The following CSMD3 variants were observed in gnomAD, a reference collection of about 807,000 sequenced individuals.
The protein encoded by CSMD3 is CUB and Sushi multiple domains 3, also known as CUB and sushi domain-containing protein 3.
CSMD3 carries 177 observed loss-of-function variants against 435.2 expected under a neutral mutation model. That is an observed-to-expected ratio of 0.41 (90% CI 0.36 to 0.46). The LOEUF is 0.46. Ranked by LOEUF, CSMD3 falls within the 20% of genes least tolerant of loss-of-function variation. The probability of loss-of-function intolerance (pLI) is 0.34; values close to 1 mark genes in which losing one functional copy is unlikely to be tolerated. For synonymous variants in CSMD3, 1,656 were observed against 1,520.5 expected (o/e 1.09, Z -2.07); for missense variants, 4,265 against 4,504.6 (o/e 0.95, Z 1.52).
chr8:113,430,666 T>A (rs368737915), intron 1 of CSMD3, among the ~76,000 whole-genome samples: 21 of 152,200 alleles, frequency 1.4e-4, no homozygotes, highest in African/African-American at 4.8e-4. Flanking sequence ...TACTACTTGT[T>A]GGAGAACACT....
chr8:113,037,904 G>C (rs1166395439), intron 5 of CSMD3, among the ~76,000 whole-genome samples: 2 of 152,124 alleles, frequency 1.3e-5, no homozygotes, highest in Non-Finnish European at 2.9e-5. Flanking sequence ...TTATTTATAT[G>C]GAGTTGTGGA....
At chr8:112,895,849 C>A (rs1261338066) in intron 10 of CSMD3, among the ~76,000 whole-genome samples, 3 of 151,192 alleles carry the variant, frequency 2.0e-5, no homozygotes, top group African/African-American at 4.8e-5. Context: ...GTGATAAAGT[C>A]CTGAAAAAGG....
intron 54 of CSMD3, among the ~76,000 whole-genome samples, chr8:112,294,495 C>T (rs1219103597): frequency 6.6e-6 from 1 of 151,862 alleles, no homozygotes; most frequent in Non-Finnish European, 1.5e-5. Context: ...CTTTAAGATC[C>T]AAAGTAGGAT....
At chr8:112,947,112 C>G (rs1257941798) in intron 9 of CSMD3, among the ~76,000 whole-genome samples, 1 of 151,500 alleles carries the variant, frequency 6.6e-6, no homozygotes, top group Non-Finnish European at 1.5e-5. Flanking sequence ...AGATTATTAT[C>G]TAATATTTTG....
At chr8:112,670,730 G>A (rs749579076) in intron 16 of CSMD3, among the ~76,000 whole-genome samples, 8 of 152,074 alleles carry the variant, frequency 5.3e-5, no homozygotes, top group Non-Finnish European at 2.9e-5. Context: ...ACAGGGAGGA[G>A]TTTCATGTGG....
intron 33 of CSMD3, 111 bp from the exon 34 acceptor site, chr8:112,408,524 T>A: frequency 7.6e-6 from 6 of 786,220 alleles, no homozygotes; most frequent in Non-Finnish European, 1.3e-5. Flanking sequence ...CTATGTTCTA[T>A]CAAATTACTT....
At chr8:112,927,101 C>T (rs909845003) in intron 9 of CSMD3, among the ~76,000 whole-genome samples, 28 of 152,000 alleles carry the variant, frequency 1.8e-4, no homozygotes, top group Admixed American at 2.6e-4. Flanking sequence ...GATTTAATAT[C>T]TTTAAAAGTC....
At chr8:113,179,766 T>A (rs1409974873) in intron 3 of CSMD3, among the ~76,000 whole-genome samples, 1 of 151,762 alleles carries the variant, frequency 6.6e-6, no homozygotes, top group African/African-American at 2.4e-5. Flanking sequence ...GAGAACAAAA[T>A]TTTTGTTATG....
intron 2 of CSMD3, among the ~76,000 whole-genome samples, chr8:113,281,621 G>A (rs2093613492): frequency 6.6e-6 from 1 of 151,878 alleles, no homozygotes; most frequent in African/African-American, 2.4e-5. Context: ...CTGCAGTTAT[G>A]TATCTTTTAA....
chr8:112,956,555 T>G (rs2084027021), intron 7 of CSMD3, among the ~76,000 whole-genome samples: 1 of 152,078 alleles, frequency 6.6e-6, no homozygotes, highest in Non-Finnish European at 1.5e-5. Flanking sequence ...GGTCTGAAGA[T>G]TTCATGGTGA....
intron 3 of CSMD3, among the ~76,000 whole-genome samples, chr8:113,193,511 C>T (rs998574507): frequency 6.6e-6 from 1 of 151,350 alleles, no homozygotes; most frequent in African/African-American, 2.4e-5. Flanking sequence ...CTCTCTGTTA[C>T]TACTGCTTCA....
intron 3 of CSMD3, among the ~76,000 whole-genome samples, chr8:113,221,515 T>A (rs970557501): frequency 6.6e-6 from 1 of 151,332 alleles, no homozygotes; most frequent in African/African-American, 2.4e-5. Flanking sequence ...TTTGAATTTA[T>A]TTTTAAAAAT....
At chr8:112,566,187 T>C (rs1322780044) in intron 24 of CSMD3, among the ~76,000 whole-genome samples, 3 of 152,040 alleles carry the variant, frequency 2.0e-5, no homozygotes, top group Non-Finnish European at 4.4e-5. Flanking sequence ...GCATAGTGGT[T>C]AGAGACATGG....
At chr8:113,203,285 T>C (rs1199496570) in intron 3 of CSMD3, among the ~76,000 whole-genome samples, 7 of 152,132 alleles carry the variant, frequency 4.6e-5, no homozygotes, top group Admixed American at 4.6e-4. Context: ...TGTGTTTTTA[T>C]AATTATCTAT....
chr8:112,427,658 T>C (rs927722336), intron 32 of CSMD3, among the ~76,000 whole-genome samples: 19 of 152,122 alleles, frequency 1.2e-4, no homozygotes, highest in Non-Finnish European at 1.5e-5. Flanking sequence ...CATCAACATT[T>C]ATGATGACCT....
At chr8:113,064,005 A>G (rs538088491) in intron 5 of CSMD3, among the ~76,000 whole-genome samples, 7 of 151,756 alleles carry the variant, frequency 4.6e-5, no homozygotes, top group African/African-American at 1.7e-4. Context: ...CTTTTAGTAT[A>G]TTAATAATAG....
chr8:112,401,761 T>C (rs1831363751), intron 35 of CSMD3, among the ~76,000 whole-genome samples: 1 of 152,174 alleles, frequency 6.6e-6, no homozygotes, highest in African/African-American at 2.4e-5. Flanking sequence ...TAAACTTTCA[T>C]ATAAATTTTA....
intron 10 of CSMD3, among the ~76,000 whole-genome samples, chr8:112,864,242 TTTGTTGTTG>T (rs145869978): frequency 2.6e-5 from 4 of 151,662 alleles, no homozygotes; most frequent in Non-Finnish European, 4.4e-5. Context: ...TTGTTTTTGT[TTTGTTGTTG>T]TTGTTGTTGT....
At chr8:113,390,910 T>G (rs376074960) in intron 1 of CSMD3, among the ~76,000 whole-genome samples, 5 of 152,088 alleles carry the variant, frequency 3.3e-5, no homozygotes, top group African/African-American at 1.2e-4. Context: ...AGCTTATGCC[T>G]GCAAAATAAC....
Sources: gnomAD v4.1 joint callset for allele counts (sites outside exome capture counted in the v4.1 genomes callset) on GRCh38, gnomAD v4.1.1 for gene constraint, MANE v1.5 for transcripts, NCBI Gene and HGNC (gene_info 2026-07-23, HGNC 2026-07-21) for gene names.